Variants in EIF2B3 observed in about 807,000 individuals in gnomAD.
EIF2B3 encodes the protein eukaryotic translation initiation factor 2B subunit gamma, also known as translation initiation factor eIF2B subunit gamma.
Under a neutral mutation model 54.1 loss-of-function variants are expected in EIF2B3, and 20 were observed. The ratio of observed to expected loss-of-function variants is 0.37; its 90% CI spans 0.26 to 0.54. The LOEUF (loss-of-function observed/expected upper bound fraction) is 0.54. EIF2B3 is among the 20% of genes least tolerant of loss of function. The pLI is 0.86. For missense variants in EIF2B3, 448 were observed against 547.8 expected (o/e 0.82, Z 1.82); for synonymous variants, 153 against 188.1 (o/e 0.81, Z 1.52).
chr1:44,881,776 CTG>C lies in EIF2B3; in HGVS notation c.657-39_657-38del. On this transcript the variant is annotated intron_variant, in intron 6 of 11. Coordinates refer to ENST00000360403, the MANE Select transcript of EIF2B3 (RefSeq NM_020365.5). This position sits in a 1 kb window ranked among gnomAD's most constrained non-coding sequence, Gnocchi z 4.0. ...GAATGGCCAAATATGAGAAACCTGA[CTG>C]TCTGGAACATACCCGGATCAAAAGC... 1 of 1,612,226 alleles carries C rather than the reference CTG, an allele frequency of 6.2e-7. No individual in the cohort carries two copies. Among genetic ancestry groups the C allele is most frequent in the African/African-American group, 1.3e-5 (1 of 75,028 alleles).
At chr1:44,965,953 A>T (rs1335197714) in intron 3 of EIF2B3, among the ~76,000 whole-genome samples, 1 of 151,980 alleles carries the variant, frequency 6.6e-6, no homozygotes, top group Non-Finnish European at 1.5e-5. Context: ...AGTGTATACC[A>T]TATTCTTACT....
chr1:44,878,371 T>G (rs1655266458), intron 8 of EIF2B3, among the ~76,000 whole-genome samples: 2 of 152,186 alleles, frequency 1.3e-5, no homozygotes, highest in South Asian at 2.1e-4. Context: ...CAAGCAATTC[T>G]CCTGCCTCAG....
chr1:44,855,214 G>A (rs1654399969), intron 11 of EIF2B3, among the ~76,000 whole-genome samples: 1 of 152,142 alleles, frequency 6.6e-6, no homozygotes, highest in South Asian at 2.1e-4. Flanking sequence ...CAGAGAGAAG[G>A]AAGTGGTGGG....
rs183222667 is a variant in EIF2B3, at chr1:44,890,417, C to T, written c.656+6938G>A. On this transcript the variant is annotated intron_variant, in intron 6 of 11. Transcript: ENST00000360403. ...TTATGTAAAAGCTCTAATTAATTGG[C>T]ATAAAGAAAAATAAGCACTTAAATA... Among the ~76,000 whole-genome samples the T allele has an allele frequency of 8.7e-5, 13 of 149,802 alleles. No homozygotes were observed. In the East Asian group the frequency reaches 2.6e-3, roughly 30 times the overall value.
At chr1:44,963,236 A>G (rs1644303666) in intron 3 of EIF2B3, among the ~76,000 whole-genome samples, 2 of 151,762 alleles carry the variant, frequency 1.3e-5, no homozygotes, top group Admixed American at 1.3e-4. Flanking sequence ...AAAAACAAAA[A>G]AAACAAAACA....
intron 3 of EIF2B3, chr1:44,959,445 G>A: frequency 2.4e-6 from 1 of 412,062 alleles, no homozygotes; most frequent in Non-Finnish European, 4.7e-6. Flanking sequence ...AGGAGACTGA[G>A]GCTGGGAGGA....
chr1:44,873,276 C>T (rs1045005600), intron 10 of EIF2B3, among the ~76,000 whole-genome samples: 1 of 152,184 alleles, frequency 6.6e-6, no homozygotes, highest in Non-Finnish European at 1.5e-5. Context: ...CCTCATTTCC[C>T]TCTTCCCAGA....
At chr1:44,915,743 A>G (rs12144152) in intron 5 of EIF2B3, among the ~76,000 whole-genome samples, 33,645 of 152,080 alleles carry the variant, frequency 0.22, 4,048 homozygotes, top group Admixed American at 0.32. Context: ...CTGTTATAAA[A>G]AACAAAATGC....
chr1:44,958,604 C>T, intron 3 of EIF2B3: 1 of 1,475,364 alleles, frequency 6.8e-7, no homozygotes, highest in South Asian at 1.1e-5. Context: ...AAAAGTGTGG[C>T]ATCAAACTCT....
chr1:44,875,527 G>T, intron 9 of EIF2B3, 91 bp downstream of exon 9: 1 of 1,217,584 alleles, frequency 8.2e-7, no homozygotes, highest in Non-Finnish European at 1.2e-6. Flanking sequence ...ATGAGGTTCA[G>T]GACTTAAAGG....
At position 44,907,287 on chromosome 1, in the gene EIF2B3, C is replaced by T. The variant is rs140836276; in HGVS notation, c.567-9843G>A. ...AAAATGCTTTGGTAGTGGCTGGGCG[C>T]GGTGGCTCATGCCTGTACTCCCAGC... On this transcript the variant is annotated intron_variant, in intron 5 of 11. Transcript: ENST00000360403. 4.8e-3 allele frequency among the ~76,000 whole-genome samples: 733 copies of T among 152,230 alleles called. 2 individuals carry two copies. Among genetic ancestry groups the T allele is most frequent in the African/African-American group, 0.017 (707 of 41,528 alleles).
At chr1:44,876,665 C>T (rs2148902662) in intron 8 of EIF2B3, among the ~76,000 whole-genome samples, 1 of 116,186 alleles carries the variant, frequency 8.6e-6, no homozygotes, top group Admixed American at 9.6e-5. Context: ...AGGAGCCCCT[C>T]TGCCCGGCCA....
chr1:44,855,660 A>G (rs1654411045), intron 11 of EIF2B3, among the ~76,000 whole-genome samples: 1 of 151,614 alleles, frequency 6.6e-6, no homozygotes, highest in Non-Finnish European at 1.5e-5. Context: ...GGGTTCCAGC[A>G]ATTCTCCTGC....
chr1:44,925,302 T>C (rs1643829578), intron 5 of EIF2B3: 1 of 152,084 alleles, frequency 6.6e-6, no homozygotes, highest in Non-Finnish European at 1.5e-5. Context: ...TGTCAGAAGA[T>C]AAATGGATGA....
At chr1:44,964,116 T>C (rs926494612) in intron 3 of EIF2B3, among the ~76,000 whole-genome samples, 5 of 143,946 alleles carry the variant, frequency 3.5e-5, no homozygotes, top group African/African-American at 1.1e-4. Context: ...AAAAGCTCCA[T>C]TGAGATTTCT....
chr1:44,980,921 G>A lies in EIF2B3; in HGVS notation c.148+100C>T, dbSNP rs1340795299. ...AAAGAAGGCAGTCTTCAGCCAACGA[G>A]TTCTAGTCACCCTCTCTCATTCTCA... On this transcript the variant is annotated intron_variant, in intron 2 of 11. Transcript: ENST00000360403. The A allele has an allele frequency of 4.5e-5, 66 of 1,465,852 alleles. 1 individual carries two copies. In the South Asian group the frequency reaches 6.7e-4, roughly 15 times the overall value. The allele number at this position is 1,465,852 out of a possible 1,614,324, so 90.8% of individuals were successfully genotyped here.
intron 6 of EIF2B3, among the ~76,000 whole-genome samples, chr1:44,885,884 G>A (rs1187011774): frequency 6.7e-6 from 1 of 149,396 alleles, no homozygotes; most frequent in Non-Finnish European, 1.5e-5. Context: ...ACAGGTGCCT[G>A]ACACCACGCT....
At position 44,875,675 on chromosome 1, in the gene EIF2B3, A is replaced by G. The variant is rs1655101305; in HGVS notation, c.996T>C (p.Ala332=). The change falls in exon 9 of 12, where the codon GCT becomes GCC. Residue 332 remains alanine, a synonymous_variant. Transcript: ENST00000360403. The part of the protein sequence containing the change: ...ANRQVPKLLS[A]LCPEEPPVHS... ...GGACTGGTGGTTCTTCTGGACAGAG[A>G]GCAGACAGCAATTTGGGCACCTTAA... The G allele has an allele frequency of 6.2e-7, 1 of 1,613,992 alleles. No homozygotes were observed. Among genetic ancestry groups the G allele is most frequent in the Non-Finnish European group, 8.5e-7 (1 of 1,180,022 alleles).
chr1:44,908,906 C>G (rs1643463806), intron 5 of EIF2B3, among the ~76,000 whole-genome samples: 1 of 152,084 alleles, frequency 6.6e-6, no homozygotes, highest in Admixed American at 6.6e-5. Context: ...GGGAAATCAG[C>G]AGGCCCATGT....
Sources: allele counts gnomAD v4.1 joint callset (sites outside exome capture counted in the v4.1 genomes callset), GRCh38; gene constraint gnomAD v4.1.1; non-coding constraint Gnocchi (gnomAD v3.1); transcripts MANE v1.5; gene names NCBI Gene and HGNC (gene_info 2026-07-23, HGNC 2026-07-21).